The following EXOC6B variants were observed in gnomAD, a reference collection of about 807,000 sequenced individuals.
EXOC6B encodes exocyst complex component 6B.
EXOC6B carries 54 observed loss-of-function variants against 113.5 expected under a neutral mutation model. That is an observed-to-expected ratio of 0.48 (90% CI 0.38 to 0.60). The LOEUF (loss-of-function observed/expected upper bound fraction) is 0.60, where lower values mean the gene tolerates loss of function less well. Among genes scored for constraint, EXOC6B ranks in the 20% least tolerant of loss-of-function variants. The probability of loss-of-function intolerance (pLI) is 0.00; values close to 1 mark genes in which losing one functional copy is unlikely to be tolerated. For synonymous variants in EXOC6B, 357 were observed against 339.0 expected, an observed-to-expected ratio of 1.05 and a Z score of -0.58; for missense variants, 797 against 977.5, an observed-to-expected ratio of 0.82 and a Z score of 2.46.
intron 17 of EXOC6B, among the ~76,000 whole-genome samples, chr2:72,466,205 C>G (rs1026574026): frequency 6.6e-6 from 1 of 151,708 alleles, no homozygotes; most frequent in Non-Finnish European, 1.5e-5. Context: ...ATTAGCTGGG[C>G]ATGGTGGTGG....
At chr2:72,318,635 AC>A (rs1400415976) in intron 20 of EXOC6B, among the ~76,000 whole-genome samples, 1 of 152,044 alleles carries the variant, frequency 6.6e-6, no homozygotes, top group East Asian at 1.9e-4. Flanking sequence ...CAAGTAATCC[AC>A]CCACCTCTAG....
At chr2:72,534,903 T>G (rs1038623404) in intron 8 of EXOC6B, among the ~76,000 whole-genome samples, 1 of 152,170 alleles carries the variant, frequency 6.6e-6, no homozygotes, top group African/African-American at 2.4e-5. Flanking sequence ...TTTGGTTTCT[T>G]TTTTCCAGGA....
At position 72,246,359 on chromosome 2, in the gene EXOC6B, T is replaced by C. The variant is rs377746557; in HGVS notation, c.2197-62172A>G. On this transcript the variant is annotated intron_variant, in intron 20 of 21. Transcript: ENST00000272427. ...ATATTAGACTGCCTGTTTTATTCCC[T>C]AGAATGGTAACTCCATGAGGGGAGG... Among the ~76,000 whole-genome samples the C allele has an allele frequency of 2.4e-4, 36 of 152,300 alleles. 1 individual carries two copies. The South Asian group carries it at 7.2e-3, about 31-fold the overall frequency.
intron 6 of EXOC6B, among the ~76,000 whole-genome samples, chr2:72,629,940 C>T (rs1164871868): frequency 6.6e-6 from 1 of 152,136 alleles, no homozygotes; most frequent in Non-Finnish European, 1.5e-5. Flanking sequence ...ATCACTCAAA[C>T]CTGGGTTAGA....
chr2:72,502,673 C>T (rs1700387160), intron 11 of EXOC6B, among the ~76,000 whole-genome samples: 1 of 152,086 alleles, frequency 6.6e-6, no homozygotes, highest in Admixed American at 6.6e-5. Context: ...AAATTGTCTC[C>T]CGCCATTTAC....
At chr2:72,476,845 T>C (rs923418854) in intron 17 of EXOC6B, among the ~76,000 whole-genome samples, 2 of 152,238 alleles carry the variant, frequency 1.3e-5, no homozygotes, top group African/African-American at 4.8e-5. Context: ...CTATGCTGAA[T>C]ACTGGCTTTA....
chr2:72,690,616 C>T (rs1677418648), intron 6 of EXOC6B, among the ~76,000 whole-genome samples: 3 of 152,188 alleles, frequency 2.0e-5, no homozygotes, highest in African/African-American at 4.8e-5. Context: ...AGCAATTCAA[C>T]AACTTTTTAT....
intron 20 of EXOC6B, among the ~76,000 whole-genome samples, chr2:72,315,515 T>C (rs1045333259): frequency 6.6e-5 from 10 of 152,116 alleles, no homozygotes; most frequent in African/African-American, 2.2e-4. Flanking sequence ...TTATGGCCTG[T>C]AGAGGGGCAA....
chr2:72,506,413 C>G (rs1248223276), intron 11 of EXOC6B, among the ~76,000 whole-genome samples: 2 of 152,216 alleles, frequency 1.3e-5, no homozygotes, highest in East Asian at 3.9e-4. Context: ...GACTCTCCAT[C>G]TTGAATAGGC....
chr2:72,698,156 G>A (rs1678025265), intron 6 of EXOC6B, among the ~76,000 whole-genome samples: 1 of 152,116 alleles, frequency 6.6e-6, no homozygotes, highest in Non-Finnish European at 1.5e-5. Context: ...GAAAAATAAA[G>A]GGAGGAGAAA....
At chr2:72,479,972 G>A (rs1698977663) in intron 17 of EXOC6B, among the ~76,000 whole-genome samples, 1 of 152,188 alleles carries the variant, frequency 6.6e-6, no homozygotes, top group Non-Finnish European at 1.5e-5. Flanking sequence ...AGAAGCCAAG[G>A]TGGGTGGATC....
At chr2:72,295,216 C>G (rs911931308) in intron 20 of EXOC6B, among the ~76,000 whole-genome samples, 1 of 124,182 alleles carries the variant, frequency 8.1e-6, no homozygotes, top group Non-Finnish European at 1.6e-5. Context: ...GGCAATAGAG[C>G]AAGACTCCAT....
rs771790135 is a variant in EXOC6B, at chr2:72,825,860, C to T, written c.51G>A (p.Glu17=). 1 of 1,613,608 alleles carries T rather than the reference C, an allele frequency of 6.2e-7. No individual in the cohort carries two copies. The highest frequency in any genetic ancestry group is 2.2e-5 in the East Asian group (1 of 44,866). The change falls in exon 1 of 22, where the codon GAG becomes GAA. Residue 17 remains glutamate (E), a synonymous_variant. Coordinates refer to ENST00000272427, the MANE Select transcript of EXOC6B (RefSeq NM_015189.3). This position sits in a 1 kb window ranked among gnomAD's most constrained non-coding sequence, Gnocchi z 4.4. Reference sequence around the variant, plus strand: ...CGATCTCTCGCAGGATCCGCTCGTGCTCTGCCGCTGTCTCCAGGCTCTCCG... The same window carrying T: ...CGATCTCTCGCAGGATCCGCTCGTGTTCTGCCGCTGTCTCCAGGCTCTCCG... ...AEAESLETAA[E]HERILREIES... is the part of the protein sequence containing the mutation.
chr2:72,485,363 G>C (rs1411242506), intron 16 of EXOC6B, among the ~76,000 whole-genome samples: 1 of 152,100 alleles, frequency 6.6e-6, no homozygotes, highest in Non-Finnish European at 1.5e-5. Context: ...ACCTTCAACA[G>C]GACTAATCCA....
intron 18 of EXOC6B, among the ~76,000 whole-genome samples, chr2:72,448,545 TAACAAAGAAATTTTAC>T (rs1221855526): frequency 6.6e-6 from 1 of 152,142 alleles, no homozygotes; most frequent in Non-Finnish European, 1.5e-5. Flanking sequence ...GTCTCCCAAG[TAACAAAGAAATTTTAC>T]TGTGGAACAC....
intron 14 of EXOC6B, 128 bp downstream of exon 14, chr2:72,496,326 C>A (rs1700031650): frequency 3.5e-6 from 2 of 572,540 alleles, no homozygotes; most frequent in Non-Finnish European, 3.1e-6. Context: ...AAAAAAGAAT[C>A]CTTTGAAATT....
chr2:72,534,768 A>C (rs1433862520), intron 8 of EXOC6B, among the ~76,000 whole-genome samples: 1 of 152,206 alleles, frequency 6.6e-6, no homozygotes, highest in Non-Finnish European at 1.5e-5. Flanking sequence ...CCAAAGTTAC[A>C]AAGATCACTG....
intron 6 of EXOC6B, among the ~76,000 whole-genome samples, chr2:72,707,168 T>C (rs1460198555): frequency 1.3e-5 from 2 of 152,196 alleles, no homozygotes; most frequent in East Asian, 1.9e-4. Flanking sequence ...ACAAGCATAA[T>C]AAAATCATTG....
chr2:72,215,949 G>A (rs1366517243), intron 20 of EXOC6B, among the ~76,000 whole-genome samples: 3 of 152,008 alleles, frequency 2.0e-5, no homozygotes, highest in Non-Finnish European at 4.4e-5. Flanking sequence ...AGGGCACAAG[G>A]GAAGACCCAG....
Sources: gnomAD v4.1 joint callset for allele counts (sites outside exome capture counted in the v4.1 genomes callset) on GRCh38, gnomAD v4.1.1 for gene constraint, Gnocchi (gnomAD v3.1) non-coding constraint, MANE v1.5 for transcripts, NCBI Gene and HGNC (gene_info 2026-07-23, HGNC 2026-07-21) for gene names.